Variants in FARP2 observed in about 807,000 individuals in gnomAD.
The protein encoded by FARP2 is FERM, ARHGEF and pleckstrin domain-containing protein 2.
In FARP2, 111 loss-of-function variants were observed where a neutral mutation model predicts 130.5. The observed-to-expected ratio is 0.85, with a 90% CI of 0.73 to 1.00. FARP2 has a LOEUF of 1.00. Among genes scored for constraint, FARP2 ranks in the 50% least tolerant of loss-of-function variants. The pLI is 0.00. For synonymous variants in FARP2, 504 were observed against 516.9 expected (o/e 0.98, Z 0.34); for missense variants, 1,385 against 1,346.3 (o/e 1.03, Z -0.45).
intron 10 of FARP2, among the ~76,000 whole-genome samples, chr2:241,434,616 C>T (rs921639202): frequency 3.3e-5 from 5 of 152,184 alleles, no homozygotes; most frequent in African/African-American, 1.2e-4. Context: ...CTTTGGAAGG[C>T]CAAGGCGGGT....
chr2:241,442,435 C>A (rs1159899145), intron 13 of FARP2: 1 of 456,620 alleles, frequency 2.2e-6, no homozygotes, highest in African/African-American at 2.0e-5. Flanking sequence ...CTTCAGCAAC[C>A]CTTTTGCACA....
Position 241,403,869 on chromosome 2 carries a change from G to A in FARP2, c.225G>A (p.Lys75=). 5.0e-6 allele frequency: 8 copies of A among 1,613,876 alleles called. No individual in the cohort carries two copies. The East Asian group carries it at 6.7e-5, about 13-fold the overall frequency. ...DGQVLLTQVW[K]RLNLVECDYF... is the part of the protein sequence containing the mutation. ...AGGTATTACTGACACAAGTGTGGAA[G>A]CGTTTAAACCTGGTAGAATGTGACT... The change falls in exon 3 of 27, where the codon AAG becomes AAA. Residue 75 remains lysine, a synonymous_variant. Transcript: ENST00000264042.
At position 241,434,231 on chromosome 2, in the gene FARP2, T is replaced by C; in HGVS notation, c.941T>C (p.Val314Ala). ...TGTAAGAACTTCTGGAAGATTTGTG[T>C]GGAGTATCACACCTTTTTTAGACTT... ...DECKNFWKIC[V>A]EYHTFFRLLD... Residue 314 changes from valine to alanine, a missense_variant, in exon 10 of 27, where the codon GTG becomes GCG. Transcript: ENST00000264042. The C allele has an allele frequency of 6.2e-7, 1 of 1,613,910 alleles. No homozygotes were observed. The highest frequency in any genetic ancestry group is 8.5e-7 in the Non-Finnish European group (1 of 1,179,820).
intron 13 of FARP2, among the ~76,000 whole-genome samples, chr2:241,450,898 G>A (rs2063639510): frequency 6.6e-6 from 1 of 152,026 alleles, no homozygotes; most frequent in South Asian, 2.1e-4. Flanking sequence ...GTTGTAGTGA[G>A]CTGAGATTGC....
At chr2:241,461,567 C>T (rs1180283294) in intron 14 of FARP2, among the ~76,000 whole-genome samples, 1 of 152,244 alleles carries the variant, frequency 6.6e-6, no homozygotes, top group Non-Finnish European at 1.5e-5. Context: ...CCTCCAGCCC[C>T]TCCTCTGCTC....
chr2:241,410,559 T>C (rs1363212264), intron 5 of FARP2, among the ~76,000 whole-genome samples: 1 of 151,852 alleles, frequency 6.6e-6, no homozygotes, highest in Non-Finnish European at 1.5e-5. Flanking sequence ...GCCTCCCAAG[T>C]AGCTGGGATT....
chr2:241,442,027 G>A, intron 13 of FARP2: 1 of 358,314 alleles, frequency 2.8e-6, no homozygotes, highest in Non-Finnish European at 5.5e-6. Flanking sequence ...TGCATTTGAG[G>A]AGGAAAGTGA....
intron 8 of FARP2, among the ~76,000 whole-genome samples, chr2:241,429,278 A>G (rs73116396): frequency 0.098 from 14,899 of 151,826 alleles, 798 homozygotes; most frequent in Middle Eastern, 0.12. Flanking sequence ...AGAAGGTCCA[A>G]TCTAGGAGCA....
chr2:241,441,760 G>T (rs758294346), intron 13 of FARP2: 7 of 743,958 alleles, frequency 9.4e-6, no homozygotes, highest in South Asian at 1.8e-5. Context: ...TCGTGGGGGG[G>T]CCCCTGCTTT....
chr2:241,478,784 G>A, intron 19 of FARP2: 1 of 413,562 alleles, frequency 2.4e-6, no homozygotes, highest in South Asian at 2.0e-5. Flanking sequence ...GTGTCAGGAG[G>A]AGGAACTCAC....
intron 2 of FARP2, among the ~76,000 whole-genome samples, chr2:241,383,971 A>C (rs1434652960): frequency 2.6e-5 from 4 of 152,004 alleles, no homozygotes; most frequent in African/African-American, 4.8e-5. Context: ...ACCAGATGCA[A>C]GGCGGCCATT....
At chr2:241,365,633 C>T (rs755646166) in intron 1 of FARP2, among the ~76,000 whole-genome samples, 1 of 152,120 alleles carries the variant, frequency 6.6e-6, no homozygotes, top group Non-Finnish European at 1.5e-5. Context: ...GAGACAAGGT[C>T]ATTTCTCCTG....
At chr2:241,406,853 A>G (rs1215887061) in intron 4 of FARP2, among the ~76,000 whole-genome samples, 1 of 151,582 alleles carries the variant, frequency 6.6e-6, no homozygotes, top group Non-Finnish European at 1.5e-5. Flanking sequence ...TGTCGCCCAG[A>G]CTGGAGTGCA....
chr2:241,412,358 G>A (rs1314493507), intron 6 of FARP2, among the ~76,000 whole-genome samples: 1 of 152,090 alleles, frequency 6.6e-6, no homozygotes, highest in Admixed American at 6.5e-5. Context: ...GATGAGATTT[G>A]GGTGGGAACA....
chr2:241,459,930 G>A lies in FARP2; in HGVS notation c.1588-2593G>A, dbSNP rs1006874323. Among the ~76,000 whole-genome samples, 4 of 152,192 alleles carry A rather than the reference G, an allele frequency of 2.6e-5. No homozygotes were observed. The highest frequency in any genetic ancestry group is 4.4e-5 in the Non-Finnish European group (3 of 68,022). Reference sequence around the variant, plus strand: ...ACCTGTGATGAGAAGTCTCATCAGCGACTGCTGTGGCTCTCTGATGGCGTA... The same window carrying A: ...ACCTGTGATGAGAAGTCTCATCAGCAACTGCTGTGGCTCTCTGATGGCGTA... On this transcript the variant is annotated intron_variant, in intron 14 of 26. Coordinates refer to ENST00000264042, the MANE Select transcript of FARP2 (RefSeq NM_014808.4). This position sits in a 1 kb window ranked among gnomAD's most constrained non-coding sequence, Gnocchi z 5.3.
chr2:241,471,963 C>A (rs1475140401), intron 18 of FARP2, among the ~76,000 whole-genome samples: 1 of 144,148 alleles, frequency 6.9e-6, no homozygotes, highest in Non-Finnish European at 1.5e-5. Flanking sequence ...CTGAAGGAAT[C>A]CTGTTGTGAG....
At chr2:241,382,578 C>A (rs1391283820) in intron 2 of FARP2, among the ~76,000 whole-genome samples, 1 of 152,178 alleles carries the variant, frequency 6.6e-6, no homozygotes, top group South Asian at 2.1e-4. Flanking sequence ...CCACCACACC[C>A]AGTCTATACA....
intron 13 of FARP2, among the ~76,000 whole-genome samples, chr2:241,452,885 G>C (rs1369555411): frequency 6.6e-6 from 1 of 151,322 alleles, no homozygotes; most frequent in Admixed American, 6.6e-5. Context: ...AGATTGCAGT[G>C]AGCCGAGATC....
In FARP2 at chr2:241,463,470, TAACACCCCTTCAGCCCCCAC is replaced by T. The variant is rs1341894684; in HGVS notation, c.1811+4_1811+23del. ...GGTGGAGCAGAGGCTGGCACTCTGG[TAACACCCCTTCAGCCCCCAC>T]ACGGGAGACTCCCACACCAACTCAT... On this transcript the variant is annotated splice_donor_5th_base_variant and intron_variant, in intron 16 of 26. Transcript: ENST00000264042. 1 of 1,613,076 alleles carries T rather than the reference TAACACCCCTTCAGCCCCCAC, an allele frequency of 6.2e-7. No homozygotes were observed. The highest frequency in any genetic ancestry group is 8.5e-7 in the Non-Finnish European group (1 of 1,179,780).
Sources: allele counts gnomAD v4.1 joint callset (sites outside exome capture counted in the v4.1 genomes callset), GRCh38; gene constraint gnomAD v4.1.1; non-coding constraint Gnocchi (gnomAD v3.1); transcripts MANE v1.5; gene names NCBI Gene and HGNC (gene_info 2026-07-23, HGNC 2026-07-21).